Variants in WNK1 observed in about 807,000 individuals in gnomAD.
WNK1 encodes the protein WNK lysine deficient protein kinase 1, also known as serine/threonine-protein kinase WNK1.
In WNK1, 38 loss-of-function variants were observed where a neutral mutation model predicts 222.8. The ratio of observed to expected loss-of-function variants is 0.17; its 90% CI spans 0.13 to 0.22. The LOEUF is 0.22. Among genes scored for constraint, WNK1 ranks in the 10% least tolerant of loss-of-function variants. The probability of loss-of-function intolerance (pLI) is 1.00; values close to 1 mark genes in which losing one functional copy is unlikely to be tolerated. For synonymous variants in WNK1, 1,090 were observed against 1,092.9 expected (o/e 1.00, Z 0.05); for missense variants, 2,348 against 2,918.4 (o/e 0.80, Z 4.50).
intron 9 of WNK1, chr12:877,940 C>G: frequency 4.3e-6 from 2 of 467,730 alleles, no homozygotes; most frequent in South Asian, 4.2e-5. Flanking sequence ...TTGTAAAGAC[C>G]TATTGTTGGG....
In WNK1 at chr12:900,680, C is replaced by T. The variant is rs1173716543; in HGVS notation, c.6643+10C>T. The T allele has an allele frequency of 6.2e-7, 1 of 1,614,110 alleles. No individual in the cohort carries two copies. The highest frequency in any genetic ancestry group is 1.1e-5 in the South Asian group (1 of 91,082). On this transcript the variant is annotated intron_variant, in intron 26 of 27. Transcript: ENST00000315939. Reference sequence around the variant, plus strand: ...TCTGCTCCAGGTCAAGGTAATAAAGCAACCATCATCGTCCAAAAACAATAA... The same window carrying T: ...TCTGCTCCAGGTCAAGGTAATAAAGTAACCATCATCGTCCAAAAACAATAA...
At chr12:817,612 C>T (rs4581515) in intron 2 of WNK1, among the ~76,000 whole-genome samples, 1 of 152,020 alleles carries the variant, frequency 6.6e-6, no homozygotes, top group Non-Finnish European at 1.5e-5. Flanking sequence ...ACACCCATAG[C>T]TGAAAAATAA....
Position 884,592 on chromosome 12 carries a change from T to A in WNK1, c.3845-57T>A. On this transcript the variant is annotated intron_variant, in intron 18 of 27. Coordinates refer to ENST00000315939, the MANE Select transcript of WNK1 (RefSeq NM_018979.4). The surrounding 1 kb of genome is among the most constrained non-coding windows in gnomAD (Gnocchi z 5.6). ...AGCTGACTTAGGCTAGCAGACAATCTTTTGAATCCATCCTTTTAAAATCAG... is the reference window on the plus strand; with the variant it reads ...AGCTGACTTAGGCTAGCAGACAATCATTTGAATCCATCCTTTTAAAATCAG... 4 of 1,554,674 alleles carry A rather than the reference T, an allele frequency of 2.6e-6. No individual in the cohort carries two copies. Among genetic ancestry groups the A allele is most frequent in the Non-Finnish European group, 2.7e-6 (3 of 1,127,790 alleles).
At chr12:878,146 A>G (rs1046800657) in intron 9 of WNK1, 66 bp from the exon 10 acceptor site, 1 of 1,605,118 alleles carries the variant, frequency 6.2e-7, no homozygotes. Flanking sequence ...TTAGGTAAAC[A>G]TGCTTCCTTA....
chr12:826,926 C>T lies in WNK1; in HGVS notation c.933-116C>T, dbSNP rs1293807044. On this transcript the variant is annotated intron_variant, in intron 2 of 27. Coordinates refer to ENST00000315939, the MANE Select transcript of WNK1 (RefSeq NM_018979.4). Reference sequence around the variant, plus strand: ...TTATTAACCTTTAGTGTTACTGAATCTTAGTATGCTAAATTTGATATTCCC... The same window carrying T: ...TTATTAACCTTTAGTGTTACTGAATTTTAGTATGCTAAATTTGATATTCCC... The T allele has an allele frequency of 1.2e-5, 9 of 780,040 alleles. No homozygotes were observed. In the East Asian group the frequency reaches 2.1e-4, roughly 18 times the overall value. The allele number at this position is 780,040 out of a possible 1,614,324, so 48.3% of individuals were successfully genotyped here. A position where few individuals can be genotyped will look rare whatever the true frequency, so the allele number is the denominator to read the frequency against.
intron 1 of WNK1, among the ~76,000 whole-genome samples, chr12:771,323 C>T (rs903017629): frequency 3.3e-5 from 5 of 151,820 alleles, no homozygotes; most frequent in Non-Finnish European, 7.4e-5. Flanking sequence ...AATTTCTGGC[C>T]ATTGTGGCTC....
rs746948660 is a variant in WNK1 at position 880,773 on chromosome 12, C to G, written c.2885C>G (p.Pro962Arg). ...PQYPGDSNIAPSSNVASVCIH... is the reference protein window; with the variant it reads ...PQYPGDSNIARSSNVASVCIH... ...TACCCAGGAGATTCAAATATTGCTC[C>G]CTCTTCCAACGTGGCTTCTGTTTGC... is the stretch of plus-strand genomic sequence containing the variant. The change falls in exon 12 of 28, where the codon CCC (proline) becomes CGC (arginine). Residue 962 changes from proline (P) to arginine (R), a missense_variant. By Grantham distance (103) the Pro-to-Arg change is moderately radical. This residue lies in a region of WNK1 where 547 missense variants were observed against 558.3 expected (regional missense o/e 0.98). Coordinates refer to ENST00000315939, the MANE Select transcript of WNK1 (RefSeq NM_018979.4). 6.2e-7 allele frequency: 1 copy of G among 1,614,038 alleles called. No individual in the cohort carries two copies. Among genetic ancestry groups the G allele is most frequent in the African/African-American group, 1.3e-5 (1 of 75,004 alleles).
At chr12:855,829 T>A (rs189627933) in intron 4 of WNK1, among the ~76,000 whole-genome samples, 1 of 151,402 alleles carries the variant, frequency 6.6e-6, no homozygotes, top group Non-Finnish European at 1.5e-5. Context: ...CATTGCTGTT[T>A]TGTTTTTGTT....
At chr12:820,076 T>G (rs1336838999) in intron 2 of WNK1, among the ~76,000 whole-genome samples, 1 of 152,218 alleles carries the variant, frequency 6.6e-6, no homozygotes, top group African/African-American at 2.4e-5. Context: ...AATTTGAGGA[T>G]TAGATTTCCA....
intron 5 of WNK1, 45 bp from the exon 6 acceptor site, chr12:859,200 A>G (rs774645580): frequency 1.3e-6 from 2 of 1,491,240 alleles, no homozygotes; most frequent in Non-Finnish European, 1.9e-6. Context: ...TTTCAAACTA[A>G]TGGTGTTTTA....
At chr12:878,098 A>G (rs1952790161) in intron 9 of WNK1, 114 bp from the exon 10 acceptor site, 3 of 1,371,732 alleles carry the variant, frequency 2.2e-6, no homozygotes, top group Non-Finnish European at 1.0e-6. Context: ...GCATGTCTTG[A>G]TTACTAAAAT....
chr12:865,584 G>A (rs938892741), intron 8 of WNK1, among the ~76,000 whole-genome samples: 2 of 152,092 alleles, frequency 1.3e-5, no homozygotes, highest in Non-Finnish European at 2.9e-5. Context: ...TAATGTCCTT[G>A]GCACATACCA....
At chr12:804,478 T>G (rs1057209942) in intron 1 of WNK1, among the ~76,000 whole-genome samples, 7 of 151,472 alleles carry the variant, frequency 4.6e-5, no homozygotes, top group African/African-American at 1.5e-4. Flanking sequence ...GTTCAAGCGA[T>G]TCTCCTGCCT....
chr12:767,391 T>C (rs968626778), intron 1 of WNK1, among the ~76,000 whole-genome samples: 2 of 151,856 alleles, frequency 1.3e-5, no homozygotes. Flanking sequence ...TAGCTGGGAT[T>C]ACAGGCGCGC....
intron 10 of WNK1, among the ~76,000 whole-genome samples, chr12:878,675 T>C (rs145084988): frequency 2.6e-5 from 4 of 152,154 alleles, no homozygotes; most frequent in Non-Finnish European, 5.9e-5. Context: ...GGTGCTCTGG[T>C]AACTGAACCT....
chr12:765,795 C>T (rs1441807291), intron 1 of WNK1, among the ~76,000 whole-genome samples: 1 of 152,072 alleles, frequency 6.6e-6, no homozygotes, highest in Non-Finnish European at 1.5e-5. Flanking sequence ...AAAATAATAA[C>T]TTTATCCAAA....
chr12:883,566 C>CAGGT lies in WNK1; in HGVS notation c.3663+3_3663+6dup. The CAGGT allele has an allele frequency of 6.2e-7, 1 of 1,614,128 alleles. No homozygotes were observed. Among genetic ancestry groups the CAGGT allele is most frequent in the South Asian group, 1.1e-5 (1 of 91,074 alleles). ...GGATGACTATGGCTTTTCAGGTTCT[C>CAGGT]AGGTAGGTTCACCACTCCCATAGTG... On this transcript the variant is annotated frameshift_variant and splice_region_variant, in exon 16 of 28. Transcript: ENST00000315939. LOFTEE classifies it high-confidence loss of function.
intron 1 of WNK1, among the ~76,000 whole-genome samples, chr12:785,373 A>G (rs1339927286): frequency 1.3e-5 from 2 of 151,432 alleles, no homozygotes; most frequent in Admixed American, 6.6e-5. Context: ...TCCTAGACCA[A>G]TGGTCTAACG....
intron 1 of WNK1, among the ~76,000 whole-genome samples, chr12:792,522 G>A (rs1944942362): frequency 1.3e-5 from 2 of 151,888 alleles, no homozygotes; most frequent in African/African-American, 4.8e-5. Context: ...CACCATGTTG[G>A]CCAGCCTGGT....
Sources: gnomAD v4.1 joint callset for allele counts (sites outside exome capture counted in the v4.1 genomes callset) on GRCh38, gnomAD v4.1.1 for gene constraint, gnomAD v4.1.1 regional missense constraint, Gnocchi (gnomAD v3.1) non-coding constraint, MANE v1.5 for transcripts, NCBI Gene and HGNC (gene_info 2026-07-23, HGNC 2026-07-21) for gene names.